GRID1: variants seen among roughly 807,000 people sequenced by gnomAD.
GRID1 encodes glutamate receptor ionotropic, delta-1.
Under a neutral mutation model 98.0 loss-of-function variants are expected in GRID1, and 28 were observed. That is an observed-to-expected ratio of 0.29 (90% CI 0.21 to 0.39). The LOEUF (loss-of-function observed/expected upper bound fraction) is 0.39, where lower values mean the gene tolerates loss of function less well. Ranked by LOEUF, GRID1 falls within the 10% of genes least tolerant of loss-of-function variation. The probability of loss-of-function intolerance (pLI) is 1.00; values close to 1 mark genes in which losing one functional copy is unlikely to be tolerated. For missense variants in GRID1, 1,111 were observed against 1,340.5 expected (o/e 0.83, Z 2.67); for synonymous variants, 553 against 538.5 (o/e 1.03, Z -0.37).
At chr10:85,780,853 A>G (rs1382606595) in intron 8 of GRID1, among the ~76,000 whole-genome samples, 2 of 152,240 alleles carry the variant, frequency 1.3e-5, no homozygotes, top group African/African-American at 2.4e-5. Context: ...AAGCCATTCA[A>G]AAACTTCCTG....
intron 8 of GRID1, among the ~76,000 whole-genome samples, chr10:85,840,525 T>C (rs1184199372): frequency 6.6e-6 from 1 of 151,988 alleles, no homozygotes; most frequent in South Asian, 2.1e-4. Context: ...TGCATCCAAA[T>C]AGGAGGAGGA....
chr10:86,210,532 C>G (rs1055088420), intron 2 of GRID1, among the ~76,000 whole-genome samples: 6 of 152,238 alleles, frequency 3.9e-5, no homozygotes, highest in African/African-American at 1.4e-4. Context: ...TTGGACATCC[C>G]ATCTCTCCAC....
At chr10:85,737,112 T>C (rs189543173) in intron 8 of GRID1, among the ~76,000 whole-genome samples, 3 of 152,230 alleles carry the variant, frequency 2.0e-5, no homozygotes, top group Admixed American at 1.3e-4. Context: ...GGAGTGATTA[T>C]CGCTGTCTGA....
chr10:86,102,978 G>A (rs1165778731), intron 4 of GRID1, among the ~76,000 whole-genome samples: 2 of 152,062 alleles, frequency 1.3e-5, no homozygotes, highest in African/African-American at 4.8e-5. Flanking sequence ...ACGTTCTGTT[G>A]CCTGCTGCCA....
intron 2 of GRID1, among the ~76,000 whole-genome samples, chr10:86,215,311 C>T (rs1481661941): frequency 6.6e-6 from 1 of 152,186 alleles, no homozygotes; most frequent in African/African-American, 2.4e-5. Context: ...TCAGGATGCA[C>T]GAAGCAGACC....
At chr10:86,204,582 G>A (rs1361595476) in intron 3 of GRID1, among the ~76,000 whole-genome samples, 2 of 152,196 alleles carry the variant, frequency 1.3e-5, no homozygotes, top group African/African-American at 4.8e-5. Flanking sequence ...AACAGGACTT[G>A]GGCAAGTGCC....
intron 8 of GRID1, among the ~76,000 whole-genome samples, chr10:85,744,139 G>A (rs1841975802): frequency 6.6e-6 from 1 of 152,196 alleles, no homozygotes; most frequent in South Asian, 2.1e-4. Context: ...CCTTTCTTAA[G>A]ACTTCATACA....
rs111514718 is a variant in GRID1, at chr10:85,610,929, C to G, written c.2601+2478G>C. 8.5e-5 allele frequency among the ~76,000 whole-genome samples: 13 copies of G among 152,338 alleles called. 1 individual carries two copies. Among genetic ancestry groups the G allele is most frequent in the African/African-American group, 2.9e-4 (12 of 41,580 alleles). ...CTGTGCTTTTCCAACCTGCCTCTCT[C>G]CATGTGTCCTCATTCCTATCTGGAA... On this transcript the variant is annotated intron_variant, in intron 15 of 15. Coordinates refer to ENST00000327946, the MANE Select transcript of GRID1 (RefSeq NM_017551.3).
intron 13 of GRID1, among the ~76,000 whole-genome samples, chr10:85,634,290 C>CTCTT (rs1843011054): frequency 2.4e-5 from 3 of 123,200 alleles, no homozygotes; most frequent in African/African-American, 7.4e-5. Context: ...CTCTCTCTCT[C>CTCTT]TCACACACAC....
intron 4 of GRID1, among the ~76,000 whole-genome samples, chr10:85,969,729 C>T (rs1307409917): frequency 6.6e-6 from 1 of 151,816 alleles, no homozygotes; most frequent in Non-Finnish European, 1.5e-5. Flanking sequence ...TAAACACCTA[C>T]GTTGAAAGAG....
intron 3 of GRID1, among the ~76,000 whole-genome samples, chr10:86,165,149 A>G (rs1242549009): frequency 1.3e-5 from 2 of 150,618 alleles, no homozygotes; most frequent in Admixed American, 1.3e-4. Flanking sequence ...CCAATAGAGG[A>G]AAAAAAAAAT....
At chr10:86,199,225 C>G (rs190891529) in intron 3 of GRID1, among the ~76,000 whole-genome samples, 130 of 152,238 alleles carry the variant, frequency 8.5e-4, no homozygotes, top group African/African-American at 3.0e-3. Context: ...GTACACAAAG[C>G]AACACCCACG....
At chr10:86,154,553 CAGG>C (rs1041045331) in intron 3 of GRID1, among the ~76,000 whole-genome samples, 1 of 152,158 alleles carries the variant, frequency 6.6e-6, no homozygotes, top group Non-Finnish European at 1.5e-5. Flanking sequence ...CCAGCAGGAG[CAGG>C]TGTCTCTAGA....
chr10:85,984,693 G>A (rs1468107564), intron 4 of GRID1, among the ~76,000 whole-genome samples: 4 of 152,182 alleles, frequency 2.6e-5, no homozygotes, highest in African/African-American at 9.6e-5. Context: ...AAGGATGCAG[G>A]CAGAGAGGCT....
intron 4 of GRID1, among the ~76,000 whole-genome samples, chr10:86,121,431 CATCATCATTAACATA>C (rs753085766): frequency 0.032 from 4,818 of 149,776 alleles, 353 homozygotes; most frequent in African/African-American, 0.11. Context: ...TCACCATTAT[CATCATCATTAACATA>C]ATCATCATCA....
intron 8 of GRID1, among the ~76,000 whole-genome samples, chr10:85,820,015 AAGGAAGGAAGGAAGGCAGGCAGGC>A (rs1325326871): frequency 2.6e-4 from 32 of 122,798 alleles, no homozygotes; most frequent in African/African-American, 1.0e-3. Flanking sequence ...GGAAGGAAGG[AAGGAAGGAAGGAAGGCAGGCAGGC>A]AGGCAGGCAG....
At chr10:86,284,748 A>T (rs777653436) in intron 2 of GRID1, among the ~76,000 whole-genome samples, 1 of 152,232 alleles carries the variant, frequency 6.6e-6, no homozygotes, top group African/African-American at 2.4e-5. Flanking sequence ...GAAGGCCACA[A>T]TGCCATCCAC....
chr10:85,999,393 A>G (rs1193552954), intron 4 of GRID1, among the ~76,000 whole-genome samples: 1 of 152,198 alleles, frequency 6.6e-6, no homozygotes, highest in Non-Finnish European at 1.5e-5. Context: ...AATGTTTAAA[A>G]AAGTAACAGC....
rs189286804 is a variant in GRID1, at chr10:85,961,347, A to G, written c.727-45108T>C. 3.1e-3 allele frequency among the ~76,000 whole-genome samples: 469 copies of G among 152,116 alleles called. 1 individual carries two copies. The highest frequency in any genetic ancestry group is 0.011 in the African/African-American group (443 of 41,496). The stretch of plus-strand genomic sequence containing the variant: ...AGTCTCCCGCATCTGTCAGCCCGGG[A>G]GCTATGAGCAGATCCCCTGTAGAGC... On this transcript the variant is annotated intron_variant, in intron 4 of 15. Transcript: ENST00000327946.
Sources: gnomAD v4.1 joint callset for allele counts (sites outside exome capture counted in the v4.1 genomes callset) on GRCh38, gnomAD v4.1.1 for gene constraint, MANE v1.5 for transcripts, NCBI Gene and HGNC (gene_info 2026-07-23, HGNC 2026-07-21) for gene names.